Variants in SGCZ observed in about 807,000 individuals in gnomAD.
SGCZ encodes zeta-sarcoglycan.
A neutral mutation model predicts 41.3 loss-of-function variants in SGCZ; 40 were observed. That is an observed-to-expected ratio of 0.97 (90% CI 0.75 to 1.26). The LOEUF is 1.26. Ranked by LOEUF, SGCZ falls within the 50% of genes most tolerant of loss-of-function variation. The pLI is 0.00. For synonymous variants in SGCZ, 206 were observed against 137.5 expected (o/e 1.50, Z -3.49); for missense variants, 552 against 369.8 (o/e 1.49, Z -4.04).
intron 1 of SGCZ, among the ~76,000 whole-genome samples, chr8:14,679,263 C>T (rs1344377870): frequency 6.6e-6 from 1 of 151,960 alleles, no homozygotes; most frequent in Non-Finnish European, 1.5e-5. Context: ...GAGTGTGCTT[C>T]TTTTGCATAC....
At chr8:14,162,241 C>T (rs1367006386) in intron 5 of SGCZ, among the ~76,000 whole-genome samples, 1 of 152,124 alleles carries the variant, frequency 6.6e-6, no homozygotes, top group African/African-American at 2.4e-5. Context: ...CTGCCAAGAA[C>T]TCTAGAATCT....
intron 2 of SGCZ, among the ~76,000 whole-genome samples, chr8:14,477,803 T>C (rs1801404327): frequency 6.6e-6 from 1 of 152,238 alleles, no homozygotes; most frequent in Admixed American, 6.5e-5. Context: ...CTGCCTTAGA[T>C]GATAAAATAA....
At chr8:14,156,647 A>G (rs984159347) in intron 5 of SGCZ, among the ~76,000 whole-genome samples, 5 of 152,180 alleles carry the variant, frequency 3.3e-5, no homozygotes, top group Non-Finnish European at 5.9e-5. Context: ...TTTCTGAATA[A>G]TATTATTCAA....
At chr8:14,357,565 AT>A (rs1563277366) in intron 2 of SGCZ, among the ~76,000 whole-genome samples, 1 of 152,140 alleles carries the variant, frequency 6.6e-6, no homozygotes, top group Non-Finnish European at 1.5e-5. Context: ...GGTAAGACAT[AT>A]GGCAAAAGGG....
At chr8:14,120,404 A>G (rs1802661949) in intron 5 of SGCZ, among the ~76,000 whole-genome samples, 1 of 152,176 alleles carries the variant, frequency 6.6e-6, no homozygotes, top group South Asian at 2.1e-4. Context: ...ACCTCTATCA[A>G]CATCAAACTT....
chr8:14,636,007 G>T (rs535045756), intron 1 of SGCZ, among the ~76,000 whole-genome samples: 1 of 151,990 alleles, frequency 6.6e-6, no homozygotes, highest in South Asian at 2.1e-4. Flanking sequence ...AAAGAGGCTT[G>T]CAAAAGAAGA....
At chr8:14,911,864 A>G (rs1486505402) in intron 1 of SGCZ, among the ~76,000 whole-genome samples, 1 of 151,898 alleles carries the variant, frequency 6.6e-6, no homozygotes, top group Non-Finnish European at 1.5e-5. Context: ...AAAGCCTTGA[A>G]AGTCTAAATA....
intron 2 of SGCZ, among the ~76,000 whole-genome samples, chr8:14,424,454 C>G (rs111620179): frequency 0.018 from 2,693 of 152,210 alleles, 78 homozygotes; most frequent in African/African-American, 0.061. Context: ...AGAAGTGGAT[C>G]TTCTCCACCC....
chr8:14,628,987 C>G (rs1278419973), intron 1 of SGCZ, among the ~76,000 whole-genome samples: 2 of 152,122 alleles, frequency 1.3e-5, no homozygotes, highest in Non-Finnish European at 2.9e-5. Flanking sequence ...CTTATTTTCA[C>G]TTAACACAGG....
intron 2 of SGCZ, among the ~76,000 whole-genome samples, chr8:14,478,847 A>C (rs73188287): frequency 0.027 from 4,086 of 151,974 alleles, 81 homozygotes; most frequent in East Asian, 0.081. Flanking sequence ...TTTCTGTTTC[A>C]CTTGTAAAAA....
At chr8:14,633,346 C>A (rs946041594) in intron 1 of SGCZ, among the ~76,000 whole-genome samples, 3 of 151,910 alleles carry the variant, frequency 2.0e-5, no homozygotes, top group African/African-American at 7.2e-5. Context: ...AGGGAAGTCA[C>A]TTGCTGCCCT....
chr8:14,401,726 T>C (rs899245434), intron 2 of SGCZ, among the ~76,000 whole-genome samples: 1 of 151,790 alleles, frequency 6.6e-6, no homozygotes, highest in African/African-American at 2.4e-5. Context: ...TTTGCTAATG[T>C]GAATAATGCC....
At chr8:14,317,989 C>G (rs912042879) in intron 3 of SGCZ, among the ~76,000 whole-genome samples, 1 of 151,714 alleles carries the variant, frequency 6.6e-6, no homozygotes, top group African/African-American at 2.4e-5. Flanking sequence ...AAAAAAACTT[C>G]TTACAGCTAG....
chr8:14,912,812 C>T (rs1167280635), intron 1 of SGCZ, among the ~76,000 whole-genome samples: 1 of 152,032 alleles, frequency 6.6e-6, no homozygotes, highest in Non-Finnish European at 1.5e-5. Flanking sequence ...AGTATCTCAA[C>T]AGGAAATGAA....
chr8:15,036,483 A>G (rs1803881758), intron 1 of SGCZ, among the ~76,000 whole-genome samples: 1 of 152,086 alleles, frequency 6.6e-6, no homozygotes, highest in African/African-American at 2.4e-5. Flanking sequence ...TGATAAAATA[A>G]TCAGTACAAC....
At chr8:15,092,812 T>C (rs1269233345) in intron 1 of SGCZ, among the ~76,000 whole-genome samples, 1 of 152,226 alleles carries the variant, frequency 6.6e-6, no homozygotes, top group Non-Finnish European at 1.5e-5. Context: ...ACTCATCACA[T>C]GCATTGTCTG....
chr8:14,928,569 G>A (rs1799831689), intron 1 of SGCZ, among the ~76,000 whole-genome samples: 1 of 152,100 alleles, frequency 6.6e-6, no homozygotes, highest in Non-Finnish European at 1.5e-5. Context: ...TGCTAATTAA[G>A]GTTTAAAAAT....
chr8:14,144,148 C>A (rs1315968359), intron 5 of SGCZ, among the ~76,000 whole-genome samples: 1 of 152,146 alleles, frequency 6.6e-6, no homozygotes, highest in Non-Finnish European at 1.5e-5. Context: ...ACTGAGACAA[C>A]AGCCGGGACA....
chr8:14,486,300 T>C (rs1023412424), intron 2 of SGCZ, among the ~76,000 whole-genome samples: 3 of 152,116 alleles, frequency 2.0e-5, no homozygotes, highest in Admixed American at 6.5e-5. Flanking sequence ...ATGTTGAGTA[T>C]GCATGGTAGT....
Sources: gnomAD v4.1 joint callset for allele counts (sites outside exome capture counted in the v4.1 genomes callset) on GRCh38, gnomAD v4.1.1 for gene constraint, MANE v1.5 for transcripts, NCBI Gene and HGNC (gene_info 2026-07-23, HGNC 2026-07-21) for gene names.